The following GRID2 variants were observed in gnomAD, a reference collection of about 807,000 sequenced individuals.
The protein encoded by GRID2 is glutamate receptor ionotropic, delta-2.
A neutral mutation model predicts 114.8 loss-of-function variants in GRID2; 33 were observed. The observed-to-expected ratio is 0.29, with a 90% CI of 0.22 to 0.38. The LOEUF (loss-of-function observed/expected upper bound fraction) is 0.38. GRID2 is among the 10% of genes least tolerant of loss of function. The pLI is 1.00. For synonymous variants in GRID2, 505 were observed against 449.9 expected (o/e 1.12, Z -1.55); for missense variants, 1,184 against 1,257.7 (o/e 0.94, Z 0.89).
At chr4:93,161,642 C>A (rs1406335946) in intron 4 of GRID2, among the ~76,000 whole-genome samples, 1 of 151,728 alleles carries the variant, frequency 6.6e-6, no homozygotes, top group East Asian at 1.9e-4. Flanking sequence ...CCAGACTCAA[C>A]ACTAAGATTT....
intron 2 of GRID2, among the ~76,000 whole-genome samples, chr4:92,997,521 C>T (rs893756749): frequency 5.3e-5 from 8 of 152,202 alleles, no homozygotes; most frequent in Admixed American, 2.0e-4. Flanking sequence ...TAGAAAGAAA[C>T]AGTTTCTTGG....
chr4:92,372,219 A>G (rs1295466325), intron 1 of GRID2, among the ~76,000 whole-genome samples: 1 of 152,200 alleles, frequency 6.6e-6, no homozygotes, highest in East Asian at 1.9e-4. Context: ...AATTAACCTA[A>G]TTGATAAAGC....
intron 2 of GRID2, among the ~76,000 whole-genome samples, chr4:92,649,877 C>G (rs974004460): frequency 1.3e-5 from 2 of 151,966 alleles, no homozygotes; most frequent in African/African-American, 4.8e-5. Flanking sequence ...TCTTATGTCT[C>G]TGTAAACTCT....
intron 2 of GRID2, among the ~76,000 whole-genome samples, chr4:92,927,789 A>T (rs1363952705): frequency 6.6e-6 from 1 of 151,746 alleles, no homozygotes; most frequent in Admixed American, 6.6e-5. Context: ...CTTTTTGTGA[A>T]GTAATATTTA....
intron 9 of GRID2, among the ~76,000 whole-genome samples, chr4:93,413,358 G>C (rs1767394354): frequency 6.6e-6 from 1 of 152,104 alleles, no homozygotes; most frequent in African/African-American, 2.4e-5. Context: ...TGAATGTTGA[G>C]CTTCTTTTCA....
At chr4:93,182,053 C>T (rs955382913) in intron 4 of GRID2, among the ~76,000 whole-genome samples, 3 of 152,094 alleles carry the variant, frequency 2.0e-5, no homozygotes, top group Admixed American at 1.3e-4. Context: ...TCTATTTGGC[C>T]TGTCACATTG....
At chr4:92,823,360 A>G (rs1172648702) in intron 2 of GRID2, among the ~76,000 whole-genome samples, 1 of 152,166 alleles carries the variant, frequency 6.6e-6, no homozygotes. Context: ...GCCAATCCCT[A>G]GCACCCTGTA....
Position 93,448,726 on chromosome 4 carries a change from A to G in GRID2, c.1546-6936A>G, listed in dbSNP as rs556571271. ...ATTATCTTTAAAATTAGTGGTAATA[A>G]AAATACTATATATCAGAATCTGTAA... On this transcript the variant is annotated intron_variant, in intron 10 of 15. Coordinates refer to ENST00000282020, the MANE Select transcript of GRID2 (RefSeq NM_001510.4). Among the ~76,000 whole-genome samples, 32 of 151,958 alleles carry G rather than the reference A, an allele frequency of 2.1e-4. No homozygotes were observed. The East Asian group carries it at 3.7e-3, about 18-fold the overall frequency.
chr4:92,929,549 A>G (rs1750071605), intron 2 of GRID2, among the ~76,000 whole-genome samples: 2 of 151,366 alleles, frequency 1.3e-5, no homozygotes, highest in African/African-American at 4.8e-5. Flanking sequence ...AGACTGACAT[A>G]AGAGTTGGCT....
At chr4:93,493,211 G>A (rs1162656862) in intron 12 of GRID2, among the ~76,000 whole-genome samples, 5 of 151,770 alleles carry the variant, frequency 3.3e-5, no homozygotes, top group Admixed American at 3.3e-4. Flanking sequence ...ACTTTGAAGT[G>A]TTTTTAAATA....
At chr4:92,513,869 A>G (rs936802566) in intron 1 of GRID2, among the ~76,000 whole-genome samples, 1 of 151,944 alleles carries the variant, frequency 6.6e-6, no homozygotes, top group Non-Finnish European at 1.5e-5. Flanking sequence ...AGTTTAATGT[A>G]CTGTGTAGAC....
At chr4:92,711,921 A>G (rs1735273277) in intron 2 of GRID2, among the ~76,000 whole-genome samples, 1 of 152,146 alleles carries the variant, frequency 6.6e-6, no homozygotes, top group African/African-American at 2.4e-5. Flanking sequence ...TAAAAATGAA[A>G]TAAAGAGTTC....
intron 2 of GRID2, among the ~76,000 whole-genome samples, chr4:93,004,737 C>G (rs892351216): frequency 6.6e-6 from 1 of 151,846 alleles, no homozygotes; most frequent in Non-Finnish European, 1.5e-5. Flanking sequence ...ACTTGTGTTT[C>G]TCTCTTCAGC....
chr4:92,822,865 T>C (rs964493878), intron 2 of GRID2: 8 of 152,836 alleles, frequency 5.2e-5, no homozygotes, highest in African/African-American at 1.9e-4. Context: ...GCGATCTGGT[T>C]ACTCAGGTAT....
At chr4:92,499,402 T>G (rs1307049122) in intron 1 of GRID2, among the ~76,000 whole-genome samples, 2 of 152,176 alleles carry the variant, frequency 1.3e-5, no homozygotes, top group African/African-American at 4.8e-5. Flanking sequence ...CAAGTTCTTT[T>G]AGGTTGTTTT....
At chr4:92,688,915 A>C (rs1734050428) in intron 2 of GRID2, among the ~76,000 whole-genome samples, 1 of 152,208 alleles carries the variant, frequency 6.6e-6, no homozygotes, top group Non-Finnish European at 1.5e-5. Flanking sequence ...TTTATTACAT[A>C]ATAAGACTTG....
At chr4:93,492,792 T>C (rs1276310910) in intron 12 of GRID2, among the ~76,000 whole-genome samples, 1 of 151,876 alleles carries the variant, frequency 6.6e-6, no homozygotes, top group African/African-American at 2.4e-5. Flanking sequence ...AATATACATA[T>C]ACATTGTGAA....
chr4:93,653,720 CTT>C (rs1220124723), intron 14 of GRID2, among the ~76,000 whole-genome samples: 1 of 152,122 alleles, frequency 6.6e-6, no homozygotes, highest in East Asian at 1.9e-4. Flanking sequence ...TAGTCAATCT[CTT>C]TGTCTCAACA....
chr4:92,319,960 T>G (rs1726224195), intron 1 of GRID2, among the ~76,000 whole-genome samples: 1 of 152,210 alleles, frequency 6.6e-6, no homozygotes, highest in Middle Eastern at 3.4e-3. Context: ...AGAGAAGAAA[T>G]ATTGGAATAC....
Sources: gnomAD v4.1 joint callset for allele counts (sites outside exome capture counted in the v4.1 genomes callset) on GRCh38, gnomAD v4.1.1 for gene constraint, MANE v1.5 for transcripts, NCBI Gene and HGNC (gene_info 2026-07-23, HGNC 2026-07-21) for gene names.